Variants in CFAP54 observed in about 807,000 individuals in gnomAD.
CFAP54 encodes the protein cilia- and flagella-associated protein 54.
In CFAP54, 290 loss-of-function variants were observed where a neutral mutation model predicts 370.4. The observed-to-expected ratio is 0.78, with a 90% CI of 0.71 to 0.86. CFAP54 has a LOEUF of 0.86. Ranked by LOEUF, CFAP54 falls within the 40% of genes least tolerant of loss-of-function variation. The probability of loss-of-function intolerance (pLI) is 0.00; values close to 1 mark genes in which losing one functional copy is unlikely to be tolerated. For missense variants in CFAP54, 3,399 were observed against 3,528.7 expected, an observed-to-expected ratio of 0.96 and a Z score of 0.93; for synonymous variants, 1,206 against 1,236.5, an observed-to-expected ratio of 0.98 and a Z score of 0.52.
At position 96,534,246 on chromosome 12, in the gene CFAP54, G is replaced by T. The variant is rs76767300; in HGVS notation, c.1705+19G>T. ...GTTCATGGTAAGTATTTATTTGTTTGTTCAAAAAATTTAGTTTGACGAAAT... is the reference window on the plus strand; with the variant it reads ...GTTCATGGTAAGTATTTATTTGTTTTTTCAAAAAATTTAGTTTGACGAAAT... On this transcript the variant is annotated intron_variant, in intron 11 of 67. Transcript: ENST00000524981. 1 of 1,347,858 alleles carries T rather than the reference G, an allele frequency of 7.4e-7. No individual in the cohort carries two copies. Among genetic ancestry groups the T allele is most frequent in the Admixed American group, 2.6e-5 (1 of 38,736 alleles). 83.5% of individuals were successfully genotyped at this position (1,347,858 alleles called of 1,614,324 possible).
At chr12:96,711,772 C>G (rs1367128196) in intron 48 of CFAP54, among the ~76,000 whole-genome samples, 1 of 152,194 alleles carries the variant, frequency 6.6e-6, no homozygotes, top group East Asian at 1.9e-4. Context: ...GTTCATAGAG[C>G]TCTTCACATT....
Position 96,764,175 on chromosome 12 carries a change from G to C in CFAP54, c.8065G>C (p.Val2689Leu). ...GCCTCCTCTCAGAAGAAGTAGTTCT[G>C]TTAAAGAAACATCAGCAAATAAATT... is the stretch of plus-strand genomic sequence containing the variant. ...LKPPLRRSSS[V>L]KETSANKFEM... The change falls in exon 59 of 68, where the codon GTT (valine) becomes CTT (leucine). Residue 2689 changes from valine (V) to leucine (L), a missense_variant. Physicochemically the swap from Val to Leu is conservative, Grantham distance 32. Around this residue, in one of 3 missense-constraint regions of CFAP54, gnomAD observed 2,796 missense variants for 2,869.7 expected, o/e 0.97. Transcript: ENST00000524981. 3 of 1,612,806 alleles carry C rather than the reference G, an allele frequency of 1.9e-6. No homozygotes were observed. Among genetic ancestry groups the C allele is most frequent in the Non-Finnish European group, 2.5e-6 (3 of 1,179,334 alleles).
intron 22 of CFAP54, among the ~76,000 whole-genome samples, chr12:96,583,851 C>G (rs142490761): frequency 6.6e-6 from 1 of 152,182 alleles, no homozygotes; most frequent in Non-Finnish European, 1.5e-5. Flanking sequence ...TTAAGTGACC[C>G]TCTGCTCCTT....
intron 63 of CFAP54, 76 bp downstream of exon 63, chr12:96,792,575 A>G: frequency 6.1e-6 from 7 of 1,138,940 alleles, no homozygotes; most frequent in Non-Finnish European, 8.5e-6. Flanking sequence ...CTTGGAGAGT[A>G]GAGGACATTC....
chr12:96,657,732 A>G (rs1043443174), intron 36 of CFAP54, 150 bp from the exon 37 acceptor site: 8 of 635,330 alleles, frequency 1.3e-5, no homozygotes, highest in East Asian at 1.1e-4. Flanking sequence ...ACTGCATCAA[A>G]TTATCAAGCT....
intron 66 of CFAP54, among the ~76,000 whole-genome samples, chr12:96,845,160 G>T (rs749843678): frequency 6.6e-6 from 1 of 152,168 alleles, no homozygotes; most frequent in Non-Finnish European, 1.5e-5. Flanking sequence ...TGTAAGTGAT[G>T]CTGGAAATGT....
At chr12:96,546,091 C>T (rs1204508460) in intron 14 of CFAP54, among the ~76,000 whole-genome samples, 1 of 152,158 alleles carries the variant, frequency 6.6e-6, no homozygotes, top group Non-Finnish European at 1.5e-5. Context: ...TGGTCAGAAG[C>T]ACAGGTAAAA....
chr12:96,743,580 G>A (rs763368514), intron 53 of CFAP54, 21 bp downstream of exon 53: 13 of 1,613,546 alleles, frequency 8.1e-6, no homozygotes, highest in South Asian at 3.3e-5. Flanking sequence ...AACTTTGTTC[G>A]TATTTATAGT....
chr12:96,828,217 C>G (rs562122415), intron 65 of CFAP54, among the ~76,000 whole-genome samples: 1 of 150,750 alleles, frequency 6.6e-6, no homozygotes, highest in Non-Finnish European at 1.5e-5. Flanking sequence ...AAACTACTTA[C>G]AGTAACTCAA....
At chr12:96,731,397 T>C (rs1406710296) in intron 50 of CFAP54, among the ~76,000 whole-genome samples, 2 of 152,216 alleles carry the variant, frequency 1.3e-5, no homozygotes, top group Non-Finnish European at 2.9e-5. Flanking sequence ...GAATTGAGAG[T>C]TGGACAGGCT....
chr12:96,515,380 G>T (rs1338153112), intron 5 of CFAP54, among the ~76,000 whole-genome samples: 1 of 152,012 alleles, frequency 6.6e-6, no homozygotes, highest in Non-Finnish European at 1.5e-5. Flanking sequence ...CAATAATTTT[G>T]GGGGAGGGGT....
intron 35 of CFAP54, 42 bp from the exon 36 acceptor site, chr12:96,651,546 T>C: frequency 6.6e-7 from 1 of 1,522,512 alleles, no homozygotes; most frequent in Non-Finnish European, 9.1e-7. Flanking sequence ...GATCTGTAAC[T>C]TTTGGAACTT....
At chr12:96,635,456 G>C (rs971330156) in intron 32 of CFAP54, among the ~76,000 whole-genome samples, 1 of 152,198 alleles carries the variant, frequency 6.6e-6, no homozygotes, top group Admixed American at 6.5e-5. Context: ...ACCATGTGGT[G>C]TTTTCCAGCA....
intron 66 of CFAP54, among the ~76,000 whole-genome samples, chr12:96,841,021 G>A (rs750480800): frequency 1.3e-5 from 2 of 152,352 alleles, no homozygotes; most frequent in African/African-American, 2.4e-5. Context: ...AAGGTGTCAA[G>A]GTGAAATATG....
At chr12:96,630,503 T>C (rs1956595593) in intron 31 of CFAP54, 48 bp from the exon 32 acceptor site, 1 of 964,356 alleles carries the variant, frequency 1.0e-6, no homozygotes, top group Non-Finnish European at 1.5e-6. Context: ...TATACTACTG[T>C]GTTCAAAGTT....
chr12:96,690,616 G>A (rs569838442), intron 43 of CFAP54, among the ~76,000 whole-genome samples: 1 of 152,166 alleles, frequency 6.6e-6, no homozygotes, highest in Non-Finnish European at 1.5e-5. Context: ...TTATAGCTTG[G>A]TATAGTGGAA....
At chr12:96,649,741 G>A in intron 34 of CFAP54, 150 bp from the exon 35 acceptor site, 2 of 516,336 alleles carry the variant, frequency 3.9e-6, no homozygotes, top group Middle Eastern at 5.1e-4. Flanking sequence ...ACTTTCCCTG[G>A]TTCATTGTAT....
chr12:96,526,737 A>C (rs1477499630), intron 8 of CFAP54, among the ~76,000 whole-genome samples: 1 of 152,178 alleles, frequency 6.6e-6, no homozygotes, highest in Non-Finnish European at 1.5e-5. Flanking sequence ...GAAACAACAA[A>C]GTCTTTGATG....
chr12:96,613,148 G>T (rs1956377259), intron 26 of CFAP54, among the ~76,000 whole-genome samples: 2 of 152,242 alleles, frequency 1.3e-5, no homozygotes, highest in Non-Finnish European at 1.5e-5. Context: ...AAATGTAAAA[G>T]AATAGAAATT....
Sources: allele counts gnomAD v4.1 joint callset (sites outside exome capture counted in the v4.1 genomes callset), GRCh38; gene constraint gnomAD v4.1.1; regional missense constraint gnomAD v4.1.1; transcripts MANE v1.5; gene names NCBI Gene and HGNC (gene_info 2026-07-23, HGNC 2026-07-21).